The following CNTN3 variants were observed in gnomAD, a reference collection of about 807,000 sequenced individuals.
CNTN3 encodes contactin-3.
Under a neutral mutation model 119.1 loss-of-function variants are expected in CNTN3, and 60 were observed. The ratio of observed to expected loss-of-function variants is 0.50; its 90% CI spans 0.41 to 0.62. The LOEUF (loss-of-function observed/expected upper bound fraction) is 0.62. Among genes scored for constraint, CNTN3 ranks in the 20% least tolerant of loss-of-function variants. CNTN3 has a pLI of 0.00. For synonymous variants in CNTN3, 450 were observed against 438.7 expected (o/e 1.03, Z -0.32); for missense variants, 1,101 against 1,242.4 (o/e 0.89, Z 1.71).
intron 5 of CNTN3, among the ~76,000 whole-genome samples, chr3:74,422,494 G>A (rs1701631472): frequency 6.6e-6 from 1 of 152,212 alleles, no homozygotes; most frequent in African/African-American, 2.4e-5. Flanking sequence ...GGACAGGTGT[G>A]ATGGGCTAAC....
At chr3:74,447,340 C>T (rs915073498) in intron 4 of CNTN3, among the ~76,000 whole-genome samples, 2 of 152,172 alleles carry the variant, frequency 1.3e-5, no homozygotes, top group African/African-American at 4.8e-5. Flanking sequence ...CTTTTCTCTT[C>T]CCACTCTCCA....
At chr3:74,451,286 G>A (rs1250224976) in intron 4 of CNTN3, among the ~76,000 whole-genome samples, 2 of 152,128 alleles carry the variant, frequency 1.3e-5, no homozygotes, top group East Asian at 1.9e-4. Flanking sequence ...ATTTTTTCAT[G>A]TGTTTTTTGG....
At chr3:74,415,153 G>A (rs537025398) in intron 5 of CNTN3, among the ~76,000 whole-genome samples, 7 of 152,212 alleles carry the variant, frequency 4.6e-5, no homozygotes, top group South Asian at 2.1e-4. Flanking sequence ...AAGAAGACTC[G>A]TACGTCTTTA....
At chr3:74,537,030 C>T (rs1167151076) in intron 1 of CNTN3, among the ~76,000 whole-genome samples, 3 of 151,440 alleles carry the variant, frequency 2.0e-5, no homozygotes, top group African/African-American at 7.3e-5. Flanking sequence ...CCTAACAAAA[C>T]TTGCCTGTAG....
chr3:74,581,145 C>CTTTCTTCTTT (rs1704498424), intron 1 of CNTN3, among the ~76,000 whole-genome samples: 1 of 151,890 alleles, frequency 6.6e-6, no homozygotes, highest in African/African-American at 2.4e-5. Flanking sequence ...AGTAGTAAGT[C>CTTTCTTCTTT]AAACTAAGAA....
chr3:74,593,654 T>G (rs1387661609), intron 1 of CNTN3, among the ~76,000 whole-genome samples: 1 of 151,930 alleles, frequency 6.6e-6, no homozygotes, highest in Admixed American at 6.6e-5. Context: ...ATTATACAGA[T>G]GAGGAAACTG....
intron 1 of CNTN3, among the ~76,000 whole-genome samples, chr3:74,588,545 G>C (rs866755473): frequency 6.6e-6 from 1 of 151,988 alleles, no homozygotes; most frequent in Non-Finnish European, 1.5e-5. Flanking sequence ...GTAATTTATA[G>C]ATTCAATGCC....
intron 13 of CNTN3, among the ~76,000 whole-genome samples, chr3:74,320,513 T>C (rs1378796137): frequency 6.6e-6 from 1 of 152,044 alleles, no homozygotes; most frequent in Admixed American, 6.6e-5. Context: ...CTCCAGGGAC[T>C]GTTGTGGGGT....
intron 5 of CNTN3, among the ~76,000 whole-genome samples, chr3:74,388,600 C>T (rs1704816210): frequency 6.6e-6 from 1 of 152,158 alleles, no homozygotes; most frequent in Non-Finnish European, 1.5e-5. Flanking sequence ...TATATTTAGT[C>T]TAATATGCAT....
chr3:74,595,489 C>T (rs1381720639), intron 1 of CNTN3, among the ~76,000 whole-genome samples: 1 of 151,898 alleles, frequency 6.6e-6, no homozygotes, highest in Non-Finnish European at 1.5e-5. Context: ...AAGGAAACCA[C>T]CATGATCAAG....
chr3:74,301,946 T>A, intron 14 of CNTN3, 141 bp from the exon 15 acceptor site: 1 of 798,640 alleles, frequency 1.3e-6, no homozygotes, highest in South Asian at 1.8e-5. Flanking sequence ...AAAAGGCCAT[T>A]TACCTGGTAA....
chr3:74,392,466 G>A (rs568695236), intron 5 of CNTN3, among the ~76,000 whole-genome samples: 8 of 151,150 alleles, frequency 5.3e-5, no homozygotes, highest in African/African-American at 1.7e-4. Context: ...TTCAGCAATC[G>A]CTAAGGCTTT....
At chr3:74,593,778 T>C (rs1704742918) in intron 1 of CNTN3, among the ~76,000 whole-genome samples, 2 of 152,098 alleles carry the variant, frequency 1.3e-5, no homozygotes, top group South Asian at 4.1e-4. Flanking sequence ...GCTTTTATTA[T>C]TTTAGCATCT....
At position 74,340,364 on chromosome 3, in the gene CNTN3, T is replaced by C. The variant is rs1438896523; in HGVS notation, c.1365-3706A>G. Among the ~76,000 whole-genome samples, 31 of 152,028 alleles carry C rather than the reference T, an allele frequency of 2.0e-4. 1 individual carries two copies. The highest frequency in any genetic ancestry group is 2.0e-3 in the Admixed American group (31 of 15,252). On this transcript the variant is annotated intron_variant, in intron 11 of 22. Coordinates refer to ENST00000263665, the MANE Select transcript of CNTN3 (RefSeq NM_020872.3). ...AGAACTGAGAATATGCTTGTACTTG[T>C]TAGAGAATAAGTAAACAGAGAGGGA...
intron 1 of CNTN3, among the ~76,000 whole-genome samples, chr3:74,560,820 C>T (rs1029032810): frequency 6.6e-6 from 1 of 151,854 alleles, no homozygotes; most frequent in Non-Finnish European, 1.5e-5. Context: ...GTGGCACATA[C>T]ACATCATGGA....
chr3:74,488,269 C>A (rs958683820), intron 3 of CNTN3, among the ~76,000 whole-genome samples: 1 of 151,908 alleles, frequency 6.6e-6, no homozygotes, highest in Non-Finnish European at 1.5e-5. Flanking sequence ...CCCGACACCA[C>A]GCCTGGCTAA....
intron 4 of CNTN3, among the ~76,000 whole-genome samples, chr3:74,435,417 T>C (rs954562559): frequency 6.6e-6 from 1 of 152,128 alleles, no homozygotes; most frequent in African/African-American, 2.4e-5. Context: ...GCTCAAGCAA[T>C]CCACCTGTCT....
intron 1 of CNTN3, among the ~76,000 whole-genome samples, chr3:74,611,085 T>C (rs907631759): frequency 3.9e-5 from 6 of 152,208 alleles, no homozygotes; most frequent in Non-Finnish European, 7.3e-5. Context: ...AGCTGAGTTA[T>C]AAAGGCACCT....
chr3:74,286,078 A>G (rs989046215), intron 19 of CNTN3, among the ~76,000 whole-genome samples: 1 of 152,060 alleles, frequency 6.6e-6, no homozygotes, highest in East Asian at 1.9e-4. Flanking sequence ...GCTAATTTGG[A>G]TTTGATAGGC....
Sources: allele counts gnomAD v4.1 joint callset (sites outside exome capture counted in the v4.1 genomes callset), GRCh38; gene constraint gnomAD v4.1.1; transcripts MANE v1.5; gene names NCBI Gene and HGNC (gene_info 2026-07-23, HGNC 2026-07-21).